Variants in ORC2 observed in about 807,000 individuals in gnomAD.
ORC2 encodes origin recognition complex subunit 2, also known as origin recognition complex protein 2 homolog.
ORC2 carries 37 observed loss-of-function variants against 77.7 expected under a neutral mutation model. That is an observed-to-expected ratio of 0.48 (90% confidence interval 0.37 to 0.63). The LOEUF is 0.63. Among genes scored for constraint, ORC2 ranks in the 20% least tolerant of loss-of-function variants. ORC2 has a pLI of 0.00. For missense variants in ORC2, 557 were observed against 661.9 expected, an observed-to-expected ratio of 0.84 and a Z score of 1.74; for synonymous variants, 201 against 229.5, an observed-to-expected ratio of 0.88 and a Z score of 1.12.
At chr2:200,939,686 T>C (rs1274151994) in intron 7 of ORC2, among the ~76,000 whole-genome samples, 2 of 152,222 alleles carry the variant, frequency 1.3e-5, no homozygotes, top group Non-Finnish European at 2.9e-5. Context: ...ATATTTTCTC[T>C]TGAACTTGCT....
chr2:200,954,819 T>G (rs1211312010), intron 4 of ORC2, among the ~76,000 whole-genome samples: 1 of 151,396 alleles, frequency 6.6e-6, no homozygotes, highest in Non-Finnish European at 1.5e-5. Flanking sequence ...GGGTCAATAA[T>G]TTTAAAAAGG....
At chr2:200,947,101 C>T (rs983418720) in intron 5 of ORC2, among the ~76,000 whole-genome samples, 6 of 151,880 alleles carry the variant, frequency 4.0e-5, no homozygotes, top group Admixed American at 2.0e-4. Context: ...TGGGTTTCAC[C>T]ATGTTGGCCA....
intron 1 of ORC2, among the ~76,000 whole-genome samples, chr2:200,959,759 T>G (rs1197305820): frequency 6.6e-6 from 1 of 152,114 alleles, no homozygotes; most frequent in East Asian, 1.9e-4. Flanking sequence ...GTTCATACTT[T>G]GTGTATAAAG....
intron 5 of ORC2, among the ~76,000 whole-genome samples, chr2:200,949,081 A>G (rs962852832): frequency 1.3e-5 from 2 of 151,958 alleles, no homozygotes; most frequent in African/African-American, 4.8e-5. Flanking sequence ...TCTACTAAAA[A>G]TACAAAAAAA....
intron 7 of ORC2, among the ~76,000 whole-genome samples, chr2:200,939,062 A>C (rs1045320822): frequency 6.6e-6 from 1 of 151,990 alleles, no homozygotes; most frequent in Non-Finnish European, 1.5e-5. Flanking sequence ...AAAAAAAAGA[A>C]TAGTACTCTA....
rs1238683194 is a variant in ORC2 at position 200,926,781 on chromosome 2, A to C, written c.1037T>G (p.Ile346Ser). 1.2e-6 allele frequency: 2 copies of C among 1,613,830 alleles called. No homozygotes were observed. Among genetic ancestry groups the C allele is most frequent in the Non-Finnish European group, 1.7e-6 (2 of 1,179,956 alleles). The change falls in exon 12 of 18, where the codon ATC becomes AGC. Residue 346 changes from isoleucine (I) to serine (S), a missense_variant. By Grantham distance (142) the Ile-to-Ser change is moderately radical (BLOSUM62 -2). Transcript: ENST00000234296. ...TTTGAAACTTACTGATTTCACACTG[A>C]TTCCAGGAAAGAAGCCATTGATGAC... Reference protein sequence around the residue: ...HVVINGFFPGISVKSVLNSIT... With the variant: ...HVVINGFFPGSSVKSVLNSIT...
chr2:200,936,114 G>T (rs2041042292), intron 8 of ORC2, among the ~76,000 whole-genome samples: 1 of 152,192 alleles, frequency 6.6e-6, no homozygotes, highest in Non-Finnish European at 1.5e-5. Context: ...AGATTACATT[G>T]AAATGTATAT....
intron 13 of ORC2, among the ~76,000 whole-genome samples, chr2:200,923,720 G>A (rs774448469): frequency 2.0e-4 from 30 of 152,038 alleles, no homozygotes; most frequent in Admixed American, 1.2e-3. Flanking sequence ...TTAACACTAT[G>A]CTTGCGGGCC....
At chr2:200,931,291 G>T in intron 11 of ORC2, 48 bp downstream of exon 11, 1 of 780,666 alleles carries the variant, frequency 1.3e-6, no homozygotes. Context: ...AAAGATTCAT[G>T]TAAATATTAT....
chr2:200,918,010 C>A (rs1382147247), intron 15 of ORC2, among the ~76,000 whole-genome samples: 1 of 151,506 alleles, frequency 6.6e-6, no homozygotes, highest in African/African-American at 2.4e-5. Context: ...ATTTTTAGTA[C>A]CTAAAAAGAC....
chr2:200,920,237 A>T lies in ORC2; in HGVS notation c.1451T>A (p.Leu484His). The change falls in exon 15 of 18, where the codon CTT (leucine) becomes CAT (histidine). Residue 484 changes from leucine to histidine, a missense_variant. Coordinates refer to ENST00000234296, the MANE Select transcript of ORC2 (RefSeq NM_006190.5). ...LSSLTHVLRS[L>H]TPNARGIFRL... The stretch of plus-strand genomic sequence containing the variant: ...TCATCCTTACCTTGCATTAGGGGTA[A>T]GGCTTCGTAAGACATGAGTAAGGGA... The T allele has an allele frequency of 6.2e-7, 1 of 1,612,222 alleles. No individual in the cohort carries two copies. Among genetic ancestry groups the T allele is most frequent in the Non-Finnish European group, 8.5e-7 (1 of 1,179,162 alleles).
rs1165127308 is a variant in ORC2 at position 200,916,993 on chromosome 2, C to CTTTT, written c.1467-3005_1467-3002dup. Among the ~76,000 whole-genome samples the CTTTT allele has an allele frequency of 2.9e-4, 31 of 105,584 alleles. 3 individuals are homozygous for CTTTT. Among genetic ancestry groups the CTTTT allele is most frequent in the African/African-American group, 1.2e-3 (29 of 24,798 alleles). The allele number at this position is 105,584 out of a possible 152,430, so 69.3% of individuals were successfully genotyped here. ...ACAGGTGTGAGCCACTGTGCCCCAC[C>CTTTT]TTTTTTTTTTTTTTTTTTTGAGACA... is the stretch of plus-strand genomic sequence containing the variant. On this transcript the variant is annotated intron_variant, in intron 15 of 17. Transcript: ENST00000234296.
At chr2:200,933,467 G>A (rs1437899163) in intron 10 of ORC2, among the ~76,000 whole-genome samples, 1 of 152,038 alleles carries the variant, frequency 6.6e-6, no homozygotes, top group Non-Finnish European at 1.5e-5. Context: ...TGGATATCAA[G>A]GAACTATGAC....
intron 13 of ORC2, among the ~76,000 whole-genome samples, chr2:200,922,749 G>A (rs942313920): frequency 6.6e-6 from 1 of 151,966 alleles, no homozygotes; most frequent in Non-Finnish European, 1.5e-5. Context: ...ACACACAGAC[G>A]CACACAAATA....
intron 9 of ORC2, among the ~76,000 whole-genome samples, chr2:200,934,223 C>A (rs370436143): frequency 6.6e-6 from 1 of 151,972 alleles, no homozygotes; most frequent in South Asian, 2.1e-4. Context: ...AAAAATGATT[C>A]CTAAGTTACA....
rs902556384 is a variant in ORC2, at chr2:200,909,343, A to G, written c.*1958T>C. The G allele has an allele frequency of 6.6e-6, 1 of 152,194 alleles. No homozygotes were observed. Among genetic ancestry groups the G allele is most frequent in the East Asian group, 1.9e-4 (1 of 5,198 alleles). 9.4% of individuals were successfully genotyped at this position (152,194 alleles called of 1,614,324 possible). On this transcript the variant is annotated 3_prime_UTR_variant, in exon 18 of 18. Transcript: ENST00000234296. Reference sequence around the variant, plus strand: ...CTTTCACTGAATATCCTTTGGTACTATTAAAAAAATTTTTTTAAATCACAT... The same window carrying G: ...CTTTCACTGAATATCCTTTGGTACTGTTAAAAAAATTTTTTTAAATCACAT...
At chr2:200,954,895 T>G (rs1378490938) in intron 4 of ORC2, among the ~76,000 whole-genome samples, 1 of 134,052 alleles carries the variant, frequency 7.5e-6, no homozygotes, top group Admixed American at 8.4e-5. Context: ...AATGAATGAA[T>G]GAATGAATGA....
At chr2:200,921,516 A>T (rs1017887776) in intron 13 of ORC2, 2 of 154,282 alleles carry the variant, frequency 1.3e-5, no homozygotes, top group Non-Finnish European at 2.9e-5. Context: ...TAAAAAATAA[A>T]GTAGTATAGG....
intron 9 of ORC2, 50 bp from the exon 10 acceptor site, chr2:200,934,024 C>A: frequency 2.2e-6 from 2 of 897,140 alleles, no homozygotes; most frequent in Non-Finnish European, 3.5e-6. Context: ...ATATCTGTCT[C>A]ATATCAAAAT....
Sources: allele counts gnomAD v4.1 joint callset (sites outside exome capture counted in the v4.1 genomes callset), GRCh38; gene constraint gnomAD v4.1.1; transcripts MANE v1.5; gene names NCBI Gene and HGNC (gene_info 2026-07-23, HGNC 2026-07-21).